Variants in IPPK observed in about 807,000 individuals in gnomAD.
IPPK encodes the protein IPK1 homolog.
IPPK carries 22 observed loss-of-function variants against 64.6 expected under a neutral mutation model. The observed-to-expected ratio is 0.34, with a 90% CI of 0.24 to 0.49. The LOEUF (loss-of-function observed/expected upper bound fraction) is 0.49. Ranked by LOEUF, IPPK falls within the 20% of genes least tolerant of loss-of-function variation. The probability of loss-of-function intolerance (pLI) is 0.99; values close to 1 mark genes in which losing one functional copy is unlikely to be tolerated. For missense variants in IPPK, 532 were observed against 630.7 expected, an observed-to-expected ratio of 0.84 and a Z score of 1.68; for synonymous variants, 262 against 247.2, an observed-to-expected ratio of 1.06 and a Z score of -0.56.
intron 1 of IPPK, among the ~76,000 whole-genome samples, chr9:92,668,775 T>C (rs964555913): frequency 2.6e-5 from 4 of 152,184 alleles, no homozygotes; most frequent in African/African-American, 7.2e-5. Flanking sequence ...TCTCTGTTCT[T>C]TAGTTCCCTG....
At chr9:92,630,247 A>G (rs1851814128) in intron 11 of IPPK, among the ~76,000 whole-genome samples, 1 of 152,236 alleles carries the variant, frequency 6.6e-6, no homozygotes. Flanking sequence ...ATGAACCTTG[A>G]AGACATCAGG....
At chr9:92,652,325 T>C (rs1035851493) in intron 4 of IPPK, among the ~76,000 whole-genome samples, 1 of 151,802 alleles carries the variant, frequency 6.6e-6, no homozygotes, top group African/African-American at 2.4e-5. Flanking sequence ...GGTAGGCGCC[T>C]GTAGTCCCAG....
intron 1 of IPPK, among the ~76,000 whole-genome samples, chr9:92,666,937 T>C (rs1852611376): frequency 6.6e-6 from 1 of 152,204 alleles, no homozygotes; most frequent in South Asian, 2.1e-4. Context: ...CATCCCATGT[T>C]TGCATACTGC....
chr9:92,640,596 G>A (rs1245832432), intron 8 of IPPK, 114 bp downstream of exon 8: 2 of 770,248 alleles, frequency 2.6e-6, no homozygotes, highest in East Asian at 2.5e-5. Context: ...GGACCCCAAA[G>A]GGGATGTCAG....
chr9:92,657,565 G>A (rs2131458782), intron 2 of IPPK, among the ~76,000 whole-genome samples: 1 of 152,294 alleles, frequency 6.6e-6, no homozygotes, highest in East Asian at 1.9e-4. Flanking sequence ...GGGCTCTGCA[G>A]TCACTGAATG....
intron 8 of IPPK, 22 bp from the exon 9 acceptor site, chr9:92,638,302 A>G: frequency 1.2e-6 from 2 of 1,604,320 alleles, no homozygotes; most frequent in South Asian, 1.1e-5. Context: ...GAAAAGAAAG[A>G]GGGAAACGTC....
chr9:92,638,552 G>A (rs1262646520), intron 8 of IPPK, among the ~76,000 whole-genome samples: 1 of 152,206 alleles, frequency 6.6e-6, no homozygotes, highest in Admixed American at 6.5e-5. Context: ...AACGCCCCCA[G>A]ACAATGATCC....
chr9:92,641,306 G>C (rs1292742247), intron 7 of IPPK, among the ~76,000 whole-genome samples: 1 of 152,174 alleles, frequency 6.6e-6, no homozygotes, highest in Non-Finnish European at 1.5e-5. Flanking sequence ...CCCCAACGGA[G>C]GAACCTCTGG....
At chr9:92,645,342 T>A (rs1055910246) in intron 6 of IPPK, among the ~76,000 whole-genome samples, 1 of 151,736 alleles carries the variant, frequency 6.6e-6, no homozygotes, top group Admixed American at 6.6e-5. Flanking sequence ...CAGTGAGTCA[T>A]GTTCACGCCA....
Position 92,616,078 on chromosome 9 carries a change from T to C in IPPK, c.1251-21A>G, listed in dbSNP as rs938167080. On this transcript the variant is annotated intron_variant, in intron 12 of 12. Transcript: ENST00000287996. ...CAGAGCTGCAAGTAAAAAGTACCAT[T>C]TCAGGATACACAAGCCCCCCATTCA... 10 of 1,549,050 alleles carry C rather than the reference T, an allele frequency of 6.5e-6. No homozygotes were observed. In the Admixed American group the frequency reaches 6.9e-5, roughly 11 times the overall value.
intron 4 of IPPK, among the ~76,000 whole-genome samples, chr9:92,651,300 A>G (rs1371346709): frequency 6.6e-6 from 1 of 152,096 alleles, no homozygotes; most frequent in African/African-American, 2.4e-5. Flanking sequence ...CCCTCAACTC[A>G]CGAAATTTAT....
At chr9:92,668,198 G>A (rs974555323) in intron 1 of IPPK, among the ~76,000 whole-genome samples, 6 of 152,232 alleles carry the variant, frequency 3.9e-5, no homozygotes, top group African/African-American at 1.4e-4. Flanking sequence ...AACCTGGGAG[G>A]CGGAGGTTGC....
At chr9:92,647,919 T>C (rs1414448302) in intron 6 of IPPK, 140 bp downstream of exon 6, 1 of 619,642 alleles carries the variant, frequency 1.6e-6, no homozygotes, top group Admixed American at 3.2e-5. Flanking sequence ...AAGTTGAACA[T>C]GAATCACTTT....
intron 6 of IPPK, among the ~76,000 whole-genome samples, chr9:92,647,076 G>A (rs1564035731): frequency 6.6e-6 from 1 of 152,106 alleles, no homozygotes; most frequent in Non-Finnish European, 1.5e-5. Context: ...CAATCCTGTG[G>A]CTAGACCAAG....
At chr9:92,634,662 G>A (rs758240966) in intron 10 of IPPK, among the ~76,000 whole-genome samples, 174 bp from the exon 11 acceptor site, 7 of 152,218 alleles carry the variant, frequency 4.6e-5, no homozygotes, top group Admixed American at 2.0e-4. Flanking sequence ...ACAGAACTCA[G>A]CAAGACCAGA....
chr9:92,627,409 G>C (rs929099722), intron 11 of IPPK, among the ~76,000 whole-genome samples: 2 of 152,024 alleles, frequency 1.3e-5, no homozygotes, highest in African/African-American at 4.8e-5. Flanking sequence ...ACAAGAAAAC[G>C]AAACTACACA....
intron 4 of IPPK, among the ~76,000 whole-genome samples, chr9:92,650,679 A>C (rs1397245728): frequency 6.6e-6 from 1 of 152,120 alleles, no homozygotes; most frequent in Non-Finnish European, 1.5e-5. Flanking sequence ...TAAGTAAAAC[A>C]GTGAGTTATG....
At chr9:92,656,627 A>C (rs867361716) in intron 2 of IPPK, 76 bp from the exon 3 acceptor site, 2 of 884,572 alleles carry the variant, frequency 2.3e-6, no homozygotes, top group Non-Finnish European at 3.8e-6. Context: ...AGAGGCAAAA[A>C]CCACCACGGA....
At chr9:92,653,895 A>G (rs1431798082) in intron 3 of IPPK, among the ~76,000 whole-genome samples, 2 of 152,222 alleles carry the variant, frequency 1.3e-5, no homozygotes, top group Non-Finnish European at 2.9e-5. Context: ...CATCTCAAGA[A>G]GTCCAAGTAC....
Sources: gnomAD v4.1 joint callset for allele counts (sites outside exome capture counted in the v4.1 genomes callset) on GRCh38, gnomAD v4.1.1 for gene constraint, MANE v1.5 for transcripts, NCBI Gene and HGNC (gene_info 2026-07-23, HGNC 2026-07-21) for gene names.